Variants in COMMD2 observed in about 807,000 individuals in gnomAD.
COMMD2 encodes COMM domain containing 2.
In COMMD2, 25 loss-of-function variants were observed where a neutral mutation model predicts 22.5. The observed-to-expected ratio is 1.11, with a 90% CI of 0.81 to 1.55. COMMD2 has a LOEUF of 1.55. COMMD2 is among the 40% of genes most tolerant of loss of function. The pLI is 0.00. For synonymous variants in COMMD2, 98 were observed against 91.2 expected (o/e 1.07, Z -0.42); for missense variants, 223 against 232.9 (o/e 0.96, Z 0.28).
intron 4 of COMMD2, among the ~76,000 whole-genome samples, chr3:149,749,070 A>G (rs1233247455): frequency 6.7e-6 from 1 of 150,018 alleles, no homozygotes; most frequent in Non-Finnish European, 1.5e-5. Flanking sequence ...GCTGGAGTGC[A>G]GTGGCACAAT....
chr3:149,749,631 C>G (rs1187077603), intron 4 of COMMD2, among the ~76,000 whole-genome samples: 1 of 152,194 alleles, frequency 6.6e-6, no homozygotes, highest in Non-Finnish European at 1.5e-5. Context: ...TATTCATATG[C>G]TCATTTGCAT....
rs1403027 is a variant in COMMD2, at chr3:149,752,467, C to G, written c.-23G>C. ...CATCTTCACTGTCCTACGATTTCAC[C>G]CGGCAGCGCCGACCCCGCCTTCGCC... On this transcript the variant is annotated 5_prime_UTR_variant, in exon 1 of 5. Coordinates refer to ENST00000473414, the MANE Select transcript of COMMD2 (RefSeq NM_016094.4). 2.4e-3 allele frequency: 3,819 copies of G among 1,601,908 alleles called. 76 individuals are homozygous for G. In the African/African-American group the frequency reaches 0.044, roughly 18 times the overall value.
rs1220294908 is a variant in COMMD2, at chr3:149,741,022, T to C, written c.*499A>G. 3 of 152,602 alleles carry C rather than the reference T, an allele frequency of 2.0e-5. No homozygotes were observed. The highest frequency in any genetic ancestry group is 2.9e-5 in the Non-Finnish European group (2 of 68,088). 9.5% of individuals were successfully genotyped at this position (152,602 alleles called of 1,614,324 possible). On this transcript the variant is annotated 3_prime_UTR_variant, in exon 5 of 5. Coordinates refer to ENST00000473414, the MANE Select transcript of COMMD2 (RefSeq NM_016094.4). The stretch of plus-strand genomic sequence containing the variant: ...GTTAGCACCAGGAAAGGAACTTTAC[T>C]TTAGCTTCTGATTACTTTTTTATTT...
intron 4 of COMMD2, chr3:149,750,289 A>C (rs1716495186): frequency 3.5e-6 from 1 of 289,742 alleles, no homozygotes; most frequent in East Asian, 9.4e-5. Context: ...AGTAATTAGG[A>C]GGCAAGGAGG....
chr3:149,738,507 G>T lies in COMMD2; in HGVS notation c.*3014C>A, dbSNP rs574656317. 7.9e-5 allele frequency: 12 copies of T among 151,904 alleles called. No individual in the cohort carries two copies. Among genetic ancestry groups the T allele is most frequent in the African/African-American group, 2.4e-4 (10 of 41,456 alleles). The allele number at this position is 151,904 out of a possible 1,614,324, so 9.4% of individuals were successfully genotyped here. A position where few individuals can be genotyped will look rare whatever the true frequency, so the allele number is the denominator to read the frequency against. On this transcript the variant is annotated 3_prime_UTR_variant, in exon 5 of 5. Transcript: ENST00000473414. ...ATGGTAAACATTTATTGAGTTCTTT[G>T]TAAAGCCTGGTACTATGTTAAACAT...
At position 149,739,778 on chromosome 3, in the gene COMMD2, A is replaced by G. The variant is rs1297352100; in HGVS notation, c.*1743T>C. ...GAGGTTGTATATGAGAGCTTCATTA[A>G]TCAAGTTGCCACTATAATTAAAAAT... On this transcript the variant is annotated 3_prime_UTR_variant, in exon 5 of 5. Coordinates refer to ENST00000473414, the MANE Select transcript of COMMD2 (RefSeq NM_016094.4). 6.6e-6 allele frequency: 1 copy of G among 152,226 alleles called. No individual in the cohort carries two copies. The highest frequency in any genetic ancestry group is 2.4e-5 in the African/African-American group (1 of 41,452). 9.4% of individuals were successfully genotyped at this position (152,226 alleles called of 1,614,324 possible).
intron 4 of COMMD2, among the ~76,000 whole-genome samples, chr3:149,742,975 AAAAAAAG>A (rs1429854975): frequency 0.036 from 5,324 of 149,834 alleles, 203 homozygotes; most frequent in East Asian, 0.11. Flanking sequence ...CAAAAAAAAA[AAAAAAAG>A]AAAAAGAAAA....
Position 149,741,336 on chromosome 3 carries a change from G to T in COMMD2, c.*185C>A. On this transcript the variant is annotated 3_prime_UTR_variant, in exon 5 of 5. Coordinates refer to ENST00000473414, the MANE Select transcript of COMMD2 (RefSeq NM_016094.4). Reference sequence around the variant, plus strand: ...CCACCTCGGCCTCCCAAAGTGCTGGGATAACTGGCATGAGCCACTGCACCC... The same window carrying T: ...CCACCTCGGCCTCCCAAAGTGCTGGTATAACTGGCATGAGCCACTGCACCC... The T allele has an allele frequency of 1.7e-6, 1 of 576,436 alleles. No homozygotes were observed. The highest frequency in any genetic ancestry group is 2.1e-5 in the South Asian group (1 of 48,216). The allele number at this position is 576,436 out of a possible 1,614,324, so 35.7% of individuals were successfully genotyped here. A position where few individuals can be genotyped will look rare whatever the true frequency, so the allele number is the denominator to read the frequency against.
intron 4 of COMMD2, 52 bp downstream of exon 4, chr3:149,750,626 A>G: frequency 7.6e-7 from 1 of 1,320,118 alleles, no homozygotes; most frequent in Non-Finnish European, 1.0e-6. Flanking sequence ...CAGGACACAA[A>G]CCTAAAATAA....
chr3:149,751,995 A>G (rs1716545409), intron 2 of COMMD2: 1 of 515,306 alleles, frequency 1.9e-6, no homozygotes, highest in South Asian at 3.1e-5. Flanking sequence ...ACATTTTACC[A>G]TGAGAAAACT....
At chr3:149,744,934 A>C (rs1716326726) in intron 4 of COMMD2, among the ~76,000 whole-genome samples, 1 of 152,254 alleles carries the variant, frequency 6.6e-6, no homozygotes, top group African/African-American at 2.4e-5. Context: ...CCTCGAGTTT[A>C]ATTTTAGAAA....
chr3:149,751,730 C>G lies in COMMD2; in HGVS notation c.146-245G>C, dbSNP rs371409309. 6.5e-5 allele frequency: 22 copies of G among 336,454 alleles called. No homozygotes were observed. The East Asian group carries it at 1.1e-3, about 16-fold the overall frequency. 20.8% of individuals were successfully genotyped at this position (336,454 alleles called of 1,614,324 possible). On this transcript the variant is annotated intron_variant, in intron 2 of 4. Transcript: ENST00000473414. ...GGAGACTAGTATCAGGTGCGTAGCC[C>G]TTCTCTTGAATACGTAGCTCCTTCA...
intron 4 of COMMD2, 32 bp downstream of exon 4, chr3:149,750,646 T>G (rs1386679443): frequency 7.0e-7 from 1 of 1,424,290 alleles, no homozygotes; most frequent in African/African-American, 1.4e-5. Flanking sequence ...ATTCTTATAT[T>G]CTATGTTAAG....
rs1046381834 is a variant in COMMD2, at chr3:149,748,842, A to G, written c.402+1836T>C. On this transcript the variant is annotated intron_variant, in intron 4 of 4. Coordinates refer to ENST00000473414, the MANE Select transcript of COMMD2 (RefSeq NM_016094.4). ...GATTTAAACGGAGACTTACAAGGAT[A>G]AGAAAGAGTCGAGTCAAGAGGTAGC... is the stretch of plus-strand genomic sequence containing the variant. 3.3e-5 allele frequency among the ~76,000 whole-genome samples: 5 copies of G among 152,374 alleles called. No individual in the cohort carries two copies. The South Asian group carries it at 8.3e-4, about 25-fold the overall frequency.
At position 149,740,576 on chromosome 3, in the gene COMMD2, T is replaced by C. The variant is rs1716184825; in HGVS notation, c.*945A>G. 1 of 152,210 alleles carries C rather than the reference T, an allele frequency of 6.6e-6. No individual in the cohort carries two copies. The highest frequency in any genetic ancestry group is 1.5e-5 in the Non-Finnish European group (1 of 68,020). The allele number at this position is 152,210 out of a possible 1,614,324, so 9.4% of individuals were successfully genotyped here. A position where few individuals can be genotyped will look rare whatever the true frequency, so the allele number is the denominator to read the frequency against. ...ATTAATTAACCATGATCACTCAAAC[T>C]TAGGCAATATGATACTTATCATCTT... On this transcript the variant is annotated 3_prime_UTR_variant, in exon 5 of 5. Transcript: ENST00000473414.
chr3:149,750,778 T>TGAAGCAACA lies in COMMD2; in HGVS notation c.293_301dup (p.Leu98_Leu100dup). The TGAAGCAACA allele has an allele frequency of 6.2e-7, 1 of 1,607,016 alleles. No homozygotes were observed. Reference sequence around the variant, plus strand: ...CTCTTTTCTGTTGTCCAGATAAAGCTGAAGCAACAATTTGTTTAATTCTTC... The same window carrying TGAAGCAACA: ...CTCTTTTCTGTTGTCCAGATAAAGCTGAAGCAACAGAAGCAACAATTTGTTTAATTCTTC... On this transcript the variant is annotated inframe_insertion, in exon 4 of 5. Transcript: ENST00000473414.
At chr3:149,749,472 A>C (rs1428278176) in intron 4 of COMMD2, among the ~76,000 whole-genome samples, 2 of 152,204 alleles carry the variant, frequency 1.3e-5, no homozygotes, top group Admixed American at 6.5e-5. Flanking sequence ...GGGTGAAAAG[A>C]AGCTTTAAAA....
At chr3:149,742,593 A>G (rs1716264762) in intron 4 of COMMD2, among the ~76,000 whole-genome samples, 1 of 152,236 alleles carries the variant, frequency 6.6e-6, no homozygotes, top group South Asian at 2.1e-4. Flanking sequence ...GAAAATGTTG[A>G]AAAAAAGCAA....
At chr3:149,749,913 T>C (rs754533305) in intron 4 of COMMD2, among the ~76,000 whole-genome samples, 2 of 152,226 alleles carry the variant, frequency 1.3e-5, no homozygotes, top group Non-Finnish European at 2.9e-5. Context: ...ATTTTGAGAA[T>C]GCCTAATATC....
Sources: allele counts gnomAD v4.1 joint callset (sites outside exome capture counted in the v4.1 genomes callset), GRCh38; gene constraint gnomAD v4.1.1; transcripts MANE v1.5; gene names NCBI Gene and HGNC (gene_info 2026-07-23, HGNC 2026-07-21).